Variants in ARL10 observed in about 807,000 individuals in gnomAD.
The protein encoded by ARL10 is ARF like GTPase 10, also known as ADP-ribosylation factor-like protein 10.
In ARL10, 23 loss-of-function variants were observed where a neutral mutation model predicts 26.1. That is an observed-to-expected ratio of 0.88 (90% CI 0.63 to 1.25). The LOEUF (loss-of-function observed/expected upper bound fraction) is 1.25, where lower values mean the gene tolerates loss of function less well. Ranked by LOEUF, ARL10 falls within the 50% of genes most tolerant of loss-of-function variation. ARL10 has a pLI of 0.00. For missense variants in ARL10, 300 were observed against 323.6 expected, an observed-to-expected ratio of 0.93 and a Z score of 0.56; for synonymous variants, 138 against 149.1, an observed-to-expected ratio of 0.93 and a Z score of 0.54.
downstream of ARL10, among the ~76,000 whole-genome samples, chr5:176,391,661 G>A (rs1459796835): frequency 2.6e-5 from 4 of 152,206 alleles, no homozygotes; most frequent in Admixed American, 1.3e-4. Context: ...GACATACCTA[G>A]AAGGCAATGT....
the ARL10 span, among the ~76,000 whole-genome samples, chr5:176,407,147 C>A: frequency 6.6e-6 from 1 of 152,178 alleles, no homozygotes; most frequent in Non-Finnish European, 1.5e-5. Flanking sequence ...AGCTCACCCA[C>A]GGCTGACAGG....
the ARL10 span, among the ~76,000 whole-genome samples, chr5:176,412,077 G>A: frequency 1.3e-5 from 2 of 151,582 alleles, no homozygotes; most frequent in South Asian, 4.2e-4. Flanking sequence ...TCGGGAGGCT[G>A]AGGCAGGAGA....
Position 176,373,124 on chromosome 5 carries a change from G to T in ARL10, c.*1229G>T. On this transcript the variant is annotated 3_prime_UTR_variant, in exon 4 of 4. Transcript: ENST00000310389. ...CTCTGGGAGAGGATTTCCCTTATGT[G>T]AATCTAGGTAAAAAGATGGAAAAAA... 2.5e-6 allele frequency: 1 copy of T among 398,438 alleles called. No homozygotes were observed. Among genetic ancestry groups the T allele is most frequent in the South Asian group, 1.3e-4 (1 of 7,704 alleles). 24.7% of individuals were successfully genotyped at this position (398,438 alleles called of 1,614,324 possible). A position where few individuals can be genotyped will look rare whatever the true frequency, so the allele number is the denominator to read the frequency against.
At chr5:176,397,609 G>A (rs751745810) in intron 1 of ARL10, 2 of 1,586,350 alleles carry the variant, frequency 1.3e-6, no homozygotes, top group East Asian at 2.3e-5. Flanking sequence ...CCTCTCACCG[G>A]TTGTTGATCT....
At chr5:176,402,936 G>A (rs1756898090), downstream of ARL10, among the ~76,000 whole-genome samples, 1 of 152,194 alleles carries the variant, frequency 6.6e-6, no homozygotes, top group African/African-American at 2.4e-5. Flanking sequence ...TTTGGGAAAT[G>A]GATACACAGA....
intron 1 of ARL10, among the ~76,000 whole-genome samples, chr5:176,398,393 G>A (rs919185385): frequency 1.3e-5 from 2 of 152,152 alleles, no homozygotes; most frequent in Non-Finnish European, 2.9e-5. Flanking sequence ...TCTGATGGGA[G>A]GACATAAGGA....
chr5:176,387,225 A>G (rs1264674333), intron 1 of ARL10, among the ~76,000 whole-genome samples: 1 of 152,056 alleles, frequency 6.6e-6, no homozygotes, highest in East Asian at 1.9e-4. Context: ...GATTACAATC[A>G]TGCGCCACCA....
chr5:176,396,630 T>C, intron 1 of ARL10: 1 of 837,256 alleles, frequency 1.2e-6, no homozygotes, highest in South Asian at 1.4e-5. Flanking sequence ...GAGACAGCAT[T>C]AGTACCTCCA....
downstream of ARL10, chr5:176,385,352 G>A (rs1358218054): frequency 7.5e-7 from 1 of 1,335,232 alleles, no homozygotes; most frequent in East Asian, 2.3e-5. Context: ...GAAGCGGGGA[G>A]ACAGGGAATG....
At chr5:176,406,349 TCCTGAGGGGCCC>T (rs1757119469), downstream of ARL10, 5 of 1,116,492 alleles carry the variant, frequency 4.5e-6, no homozygotes, top group South Asian at 7.9e-5. Context: ...AGAATCCCTC[TCCTGAGGGGCCC>T]CTCTGCTGGG....
At chr5:176,383,977 A>G (rs1481798820), downstream of ARL10, 1 of 1,531,418 alleles carries the variant, frequency 6.5e-7, no homozygotes, top group Non-Finnish European at 8.7e-7. Context: ...TGTACACACT[A>G]TATTTACATC....
At chr5:176,399,035 G>A (rs1756686818) in intron 1 of ARL10, among the ~76,000 whole-genome samples, 1 of 151,922 alleles carries the variant, frequency 6.6e-6, no homozygotes, top group Admixed American at 6.6e-5. Flanking sequence ...GTAGAGACGG[G>A]GTTTCTCCAT....
chr5:176,397,875 C>A lies in ARL10; in HGVS notation c.134-3866C>A. ...TCCCATGCACTCCGAGGACTCCCCACACTCCACCCCACACACAGCCCACCC... is the reference window on the plus strand; with the variant it reads ...TCCCATGCACTCCGAGGACTCCCCAAACTCCACCCCACACACAGCCCACCC... On this transcript the variant is annotated intron_variant, in intron 1 of 1. Coordinates refer to the ARL10 transcript ENST00000514533. The A allele has an allele frequency of 3.3e-6, 5 of 1,527,722 alleles. No homozygotes were observed. The South Asian group carries it at 4.5e-5, about 14-fold the overall frequency. The allele number at this position is 1,527,722 out of a possible 1,614,324, so 94.6% of individuals were successfully genotyped here.
Position 176,368,857 on chromosome 5 carries a change from G to C in ARL10, c.436G>C (p.Val146Leu). 1 of 1,614,198 alleles carries C rather than the reference G, an allele frequency of 6.2e-7. No homozygotes were observed. The highest frequency in any genetic ancestry group is 8.5e-7 in the Non-Finnish European group (1 of 1,180,024). Residue 146 changes from valine (V) to leucine (L), a missense_variant, in exon 3 of 4, where the codon GTG becomes CTG. Transcript: ENST00000310389. The surrounding 1 kb of genome is among the most constrained non-coding windows in gnomAD (Gnocchi z 4.1). ...CTACTGGAAGGAGTTTGTGAGCGAG[G>C]TGGATGTGCTGGTGTTTGTGGTGGA... ...RFYWKEFVSE[V>L]DVLVFVVDSA...
At chr5:176,388,087 A>C (rs2113599571) in intron 1 of ARL10, 1 of 621,146 alleles carries the variant, frequency 1.6e-6, no homozygotes, top group South Asian at 1.9e-5. Flanking sequence ...CCCTTGCTCA[A>C]CGTCAGTTGA....
downstream of ARL10, chr5:176,386,695 T>C (rs1328806092): frequency 1.3e-6 from 1 of 766,244 alleles, no homozygotes. Flanking sequence ...CAGGACACAG[T>C]CCTAACTCTG....
At chr5:176,386,833 C>T (rs1206602057), downstream of ARL10, 2 of 1,612,836 alleles carry the variant, frequency 1.2e-6, no homozygotes, top group South Asian at 1.1e-5. Context: ...ATATGGACCA[C>T]ACCCACCATT....
At position 176,374,464 on chromosome 5, in the gene ARL10, A is replaced by C. The variant is rs149979842; in HGVS notation, c.*2569A>C. On this transcript the variant is annotated 3_prime_UTR_variant, in exon 4 of 4. Coordinates refer to ENST00000310389, the MANE Select transcript of ARL10 (RefSeq NM_173664.6). ...GGATGACTGCATTGGTGTACTTAAG[A>C]CTACAACACATCAGTGGGGACCTTA... 3.9e-5 allele frequency: 6 copies of C among 152,362 alleles called. No individual in the cohort carries two copies. The East Asian group carries it at 1.2e-3, about 29-fold the overall frequency. The allele number at this position is 152,362 out of a possible 1,614,324, so 9.4% of individuals were successfully genotyped here.
the ARL10 span, chr5:176,410,215 G>C: frequency 6.3e-7 from 1 of 1,576,894 alleles, no homozygotes; most frequent in Non-Finnish European, 8.7e-7. Context: ...CTGAGACCAG[G>C]GCTGTTGGTC....
Sources: gnomAD v4.1 joint callset for allele counts (sites outside exome capture counted in the v4.1 genomes callset) on GRCh38, gnomAD v4.1.1 for gene constraint, Gnocchi (gnomAD v3.1) non-coding constraint, MANE v1.5 for transcripts, NCBI Gene and HGNC (gene_info 2026-07-23, HGNC 2026-07-21) for gene names.